ADAP1: variants seen among roughly 807,000 people sequenced by gnomAD.
The protein encoded by ADAP1 is ArfGAP with dual PH domains 1.
Under a neutral mutation model 54.9 loss-of-function variants are expected in ADAP1, and 31 were observed. The observed-to-expected ratio is 0.56, with a 90% CI of 0.42 to 0.76. The LOEUF is 0.76. ADAP1 is among the 30% of genes least tolerant of loss of function. ADAP1 has a pLI of 0.00. For missense variants in ADAP1, 535 were observed against 512.4 expected, an observed-to-expected ratio of 1.04 and a Z score of -0.42; for synonymous variants, 313 against 202.6, an observed-to-expected ratio of 1.55 and a Z score of -4.63.
At chr7:924,749 A>C (rs1230452409) in intron 3 of ADAP1, among the ~76,000 whole-genome samples, 1 of 151,450 alleles carries the variant, frequency 6.6e-6, no homozygotes, top group East Asian at 2.0e-4. Flanking sequence ...CCCCGCACCC[A>C]TGTCAGCCCC....
At position 899,479 on chromosome 7, in the gene ADAP1, G is replaced by A. The variant is rs767882778; in HGVS notation, c.807C>T (p.Gly269=). The A allele has an allele frequency of 3.7e-6, 6 of 1,612,924 alleles. No homozygotes were observed. The highest frequency in any genetic ancestry group is 1.1e-5 in the South Asian group (1 of 91,058). The change falls in exon 9 of 11, where the codon GGC becomes GGT. Residue 269 remains glycine (G), a synonymous_variant. Coordinates refer to ENST00000265846, the MANE Select transcript of ADAP1 (RefSeq NM_006869.4). ...MEKTGPKQTE[G]FRKRWFTMDD... Reference sequence around the variant, plus strand: ...CCATGGTGAACCAGCGCTTCCGGAAGCCTTCCGTTTGCTGTGGGTCAGAGA... The same window carrying A: ...CCATGGTGAACCAGCGCTTCCGGAAACCTTCCGTTTGCTGTGGGTCAGAGA...
rs978411398 is a variant in ADAP1, at chr7:904,973, A to G, written c.501+87T>C. On this transcript the variant is annotated intron_variant, in intron 5 of 10. Coordinates refer to ENST00000265846, the MANE Select transcript of ADAP1 (RefSeq NM_006869.4). The stretch of plus-strand genomic sequence containing the variant: ...GGGGCAGCAGGGAGGGCAGCTGCGG[A>G]TGGACGCGGCCACCACAGGCCCCAG... The G allele has an allele frequency of 1.6e-4, 186 of 1,182,420 alleles. 2 individuals carry two copies. The Admixed American group carries it at 3.3e-3, about 21-fold the overall frequency. 73.2% of individuals were successfully genotyped at this position (1,182,420 alleles called of 1,614,324 possible).
At chr7:900,681 G>C (rs570915041) in intron 6 of ADAP1, 65 bp from the exon 7 acceptor site, 2 of 1,438,074 alleles carry the variant, frequency 1.4e-6, no homozygotes, top group Non-Finnish European at 1.9e-6. Context: ...CCCACAGAGG[G>C]GCTGGGGTCC....
intron 2 of ADAP1, among the ~76,000 whole-genome samples, chr7:930,917 C>A (rs1273697370): frequency 6.8e-6 from 1 of 147,016 alleles, no homozygotes; most frequent in Admixed American, 6.9e-5. Context: ...AAGTTCAAGG[C>A]TTTAGTGAGC....
intron 4 of ADAP1, among the ~76,000 whole-genome samples, chr7:913,014 A>G (rs995264467): frequency 6.6e-6 from 1 of 151,470 alleles, no homozygotes; most frequent in Non-Finnish European, 1.5e-5. Flanking sequence ...CCAGCTAATT[A>G]TTAAACTTTG....
chr7:950,357 G>A (rs569701674), intron 1 of ADAP1, among the ~76,000 whole-genome samples: 2 of 152,232 alleles, frequency 1.3e-5, no homozygotes, highest in African/African-American at 4.8e-5. Flanking sequence ...ATGGCAGCGT[G>A]CACCTGTAGT....
intron 3 of ADAP1, among the ~76,000 whole-genome samples, chr7:922,532 T>C (rs547609026): frequency 6.6e-6 from 1 of 152,260 alleles, no homozygotes; most frequent in East Asian, 1.9e-4. Context: ...ACGGGTCCAG[T>C]GGCCACTGTG....
chr7:905,089 C>G lies in ADAP1; in HGVS notation c.472G>C (p.Gly158Arg), dbSNP rs1269450503. 1.2e-6 allele frequency: 2 copies of G among 1,612,056 alleles called. No individual in the cohort carries two copies. The highest frequency in any genetic ancestry group is 1.7e-6 in the Non-Finnish European group (2 of 1,179,920). The change falls in exon 5 of 11, where the codon GGT becomes CGT. Residue 158 changes from glycine to arginine, a missense_variant. Physicochemically the swap from Gly to Arg is moderately radical, Grantham distance 125 (BLOSUM62 -2). Transcript: ENST00000265846. Reference sequence around the variant, plus strand: ...TTTCTGTTGAAATACTTCAGAGCACCCTCTCGTTCTGTCAGCACAAACTTC... The same window carrying G: ...TTTCTGTTGAAATACTTCAGAGCACGCTCTCGTTCTGTCAGCACAAACTTC... Reference protein sequence around the residue: ...SRKFVLTEREGALKYFNRNDA... With the variant: ...SRKFVLTERERALKYFNRNDA...
chr7:900,476 A>ACCCCCCCCCCCCCCAC, intron 7 of ADAP1, 57 bp downstream of exon 7: 1 of 1,065,210 alleles, frequency 9.4e-7, no homozygotes, highest in Non-Finnish European at 1.4e-6. Context: ...GGCTCCGTCC[A>ACCCCCCCCCCCCCCAC]CCCCCCACCC....
At chr7:940,875 A>T (rs776787133) in intron 1 of ADAP1, among the ~76,000 whole-genome samples, 38 of 138,306 alleles carry the variant, frequency 2.7e-4, no homozygotes, top group Middle Eastern at 3.7e-3. Flanking sequence ...GAAAAAACAT[A>T]CAATTGTTTC....
At chr7:927,552 C>A in intron 2 of ADAP1, 2 of 467,272 alleles carry the variant, frequency 4.3e-6, no homozygotes, top group Non-Finnish European at 4.4e-6. Flanking sequence ...TCACCCTGCT[C>A]CGAGGATCAC....
At chr7:919,540 G>A (rs565917061) in intron 4 of ADAP1, among the ~76,000 whole-genome samples, 1 of 141,920 alleles carries the variant, frequency 7.0e-6, no homozygotes, top group African/African-American at 2.7e-5. Flanking sequence ...GAGGGAAGGA[G>A]AGAGAGAGGG....
chr7:912,989 T>C (rs1583148735), intron 4 of ADAP1, among the ~76,000 whole-genome samples: 1 of 150,080 alleles, frequency 6.7e-6, no homozygotes, highest in South Asian at 2.1e-4. Flanking sequence ...GCTGGGACCA[T>C]AGGCGCCTCC....
intron 4 of ADAP1, chr7:905,747 GGGAGAAGGGAGAAGGGAGAAA>G (rs1845214663): frequency 1.4e-3 from 5 of 3,602 alleles, no homozygotes; most frequent in Non-Finnish European, 1.0e-3. Context: ...GAAAGGAGAA[GGGAGAAGGGAGAAGGGAGAAA>G]GGAGAAAGGA....
At chr7:933,397 C>G (rs1416718294) in intron 2 of ADAP1, among the ~76,000 whole-genome samples, 1 of 152,224 alleles carries the variant, frequency 6.6e-6, no homozygotes, top group Non-Finnish European at 1.5e-5. Context: ...TTCTAACAAG[C>G]CTCCAGGTGT....
Position 920,893 on chromosome 7 carries a change from G to T in ADAP1, c.306-843C>A. 1 of 1,548,938 alleles carries T rather than the reference G, an allele frequency of 6.5e-7. No individual in the cohort carries two copies. ...TTTTCCACTCCCAGGGAATTACGCG[G>T]CAAAGAACAAATAGGAACCCTGTGG... On this transcript the variant is annotated intron_variant, in intron 3 of 10. Transcript: ENST00000265846. The surrounding 1 kb of genome is among the most constrained non-coding windows in gnomAD (Gnocchi z 4.5).
intron 1 of ADAP1, among the ~76,000 whole-genome samples, chr7:950,597 C>T (rs10237245): frequency 0.088 from 13,394 of 151,972 alleles, 905 homozygotes; most frequent in African/African-American, 0.19. Context: ...TGGCTCATGC[C>T]TGTAATCCCA....
intron 4 of ADAP1, 29 bp from the exon 5 acceptor site, chr7:905,201 G>C: frequency 6.4e-7 from 1 of 1,572,824 alleles, no homozygotes; most frequent in South Asian, 1.1e-5. Context: ...ACGAGTCGGT[G>C]ACAGTGGATG....
At chr7:925,587 C>T (rs1422322447) in intron 3 of ADAP1, among the ~76,000 whole-genome samples, 2 of 152,192 alleles carry the variant, frequency 1.3e-5, no homozygotes, top group African/African-American at 4.8e-5. Context: ...AACAGGGCCC[C>T]GGATGCTGGG....
Sources: gnomAD v4.1 joint callset for allele counts (sites outside exome capture counted in the v4.1 genomes callset) on GRCh38, gnomAD v4.1.1 for gene constraint, Gnocchi (gnomAD v3.1) non-coding constraint, MANE v1.5 for transcripts, NCBI Gene and HGNC (gene_info 2026-07-23, HGNC 2026-07-21) for gene names.